NIPAL2: variants seen among roughly 807,000 people sequenced by gnomAD.
The protein encoded by NIPAL2 is NIPA-like protein 2.
Under a neutral mutation model 48.9 loss-of-function variants are expected in NIPAL2, and 43 were observed. The observed-to-expected ratio is 0.88, with a 90% CI of 0.69 to 1.13. NIPAL2 has a LOEUF of 1.13. NIPAL2 is among the 50% of genes most tolerant of loss of function. NIPAL2 has a pLI of 0.00. For synonymous variants in NIPAL2, 167 were observed against 174.6 expected, an observed-to-expected ratio of 0.96 and a Z score of 0.34; for missense variants, 446 against 461.4, an observed-to-expected ratio of 0.97 and a Z score of 0.31.
chr8:98,251,603 C>T (rs1813594429), intron 3 of NIPAL2: 1 of 152,130 alleles, frequency 6.6e-6, no homozygotes, highest in Non-Finnish European at 1.5e-5. Flanking sequence ...AGATAAATGA[C>T]TTACAAAATA....
chr8:98,210,165 A>G (rs1258765092), intron 6 of NIPAL2, among the ~76,000 whole-genome samples: 1 of 151,692 alleles, frequency 6.6e-6, no homozygotes, highest in Admixed American at 6.6e-5. Flanking sequence ...ATTTTAATTA[A>G]TTCTTTCTGC....
At chr8:98,229,592 G>C (rs557190987) in intron 4 of NIPAL2, among the ~76,000 whole-genome samples, 181 of 152,158 alleles carry the variant, frequency 1.2e-3, no homozygotes, top group Non-Finnish European at 1.4e-3. Context: ...TGTCCAGGCT[G>C]GTCTCGAACT....
intron 1 of NIPAL2, among the ~76,000 whole-genome samples, chr8:98,280,792 A>AGAGAGAGAG (rs1815783724): frequency 3.6e-5 from 5 of 139,480 alleles, no homozygotes; most frequent in South Asian, 2.3e-4. Flanking sequence ...AGAGAGAGAG[A>AGAGAGAGAG]AAGCGAGAGA....
At chr8:98,241,457 G>A (rs1472638761) in intron 3 of NIPAL2, among the ~76,000 whole-genome samples, 1 of 152,124 alleles carries the variant, frequency 6.6e-6, no homozygotes, top group Non-Finnish European at 1.5e-5. Context: ...ACTTTCTGAT[G>A]AGTGATTTTA....
In NIPAL2 at chr8:98,209,511, A is replaced by G. The variant is rs990326827; in HGVS notation, c.655+2894T>C. ...CACGCATCTGTAGTCCCAGCTACTCAGGAGGCTGAGGTAGGAGGATCACTT... is the reference window on the plus strand; with the variant it reads ...CACGCATCTGTAGTCCCAGCTACTCGGGAGGCTGAGGTAGGAGGATCACTT... On this transcript the variant is annotated intron_variant, in intron 6 of 10. Transcript: ENST00000430223. Among the ~76,000 whole-genome samples, 3 of 151,052 alleles carry G rather than the reference A, an allele frequency of 2.0e-5. No homozygotes were observed. In the South Asian group the frequency reaches 6.3e-4, roughly 32 times the overall value.
intron 5 of NIPAL2, among the ~76,000 whole-genome samples, chr8:98,214,462 C>A (rs984833990): frequency 6.6e-6 from 1 of 152,160 alleles, no homozygotes; most frequent in Admixed American, 6.5e-5. Context: ...CCGCACCCGG[C>A]CCAGGCTATT....
intron 10 of NIPAL2, among the ~76,000 whole-genome samples, chr8:98,193,701 G>A (rs919852402): frequency 1.3e-5 from 2 of 151,576 alleles, no homozygotes; most frequent in Non-Finnish European, 2.9e-5. Context: ...TACTCGGGAG[G>A]CTGAGACACG....
At chr8:98,225,572 C>T (rs1039371173) in intron 4 of NIPAL2, among the ~76,000 whole-genome samples, 2 of 152,120 alleles carry the variant, frequency 1.3e-5, no homozygotes, top group Admixed American at 6.6e-5. Context: ...CCAGATGTAT[C>T]GGAGCTCTTT....
chr8:98,194,861 A>G, intron 9 of NIPAL2, 39 bp from the exon 10 acceptor site: 1 of 1,195,310 alleles, frequency 8.4e-7, no homozygotes, highest in Non-Finnish European at 1.2e-6. Flanking sequence ...AAGAACACTG[A>G]AACAGACTCA....
At chr8:98,261,691 T>C (rs1425564658) in intron 1 of NIPAL2, among the ~76,000 whole-genome samples, 1 of 143,310 alleles carries the variant, frequency 7.0e-6, no homozygotes, top group Non-Finnish European at 1.5e-5. Context: ...GGAACCAAGT[T>C]GGAAAACACT....
rs28495420 is a variant in NIPAL2, at chr8:98,191,373, T to G, written c.*1605A>C. 1 of 152,198 alleles carries G rather than the reference T, an allele frequency of 6.6e-6. No individual in the cohort carries two copies. Among genetic ancestry groups the G allele is most frequent in the African/African-American group, 2.4e-5 (1 of 41,446 alleles). The allele number at this position is 152,198 out of a possible 1,614,324, so 9.4% of individuals were successfully genotyped here. ...ATTATGACTGCTTTATCTGAATGCA[T>G]GGGACACTTGCTACGATGGCGGGAA... On this transcript the variant is annotated 3_prime_UTR_variant, in exon 11 of 11. Transcript: ENST00000430223.
At chr8:98,212,353 T>TA (rs1811358021) in intron 6 of NIPAL2, 52 bp downstream of exon 6, 1 of 973,402 alleles carries the variant, frequency 1.0e-6, no homozygotes, top group South Asian at 1.4e-5. Context: ...AAACCTCATT[T>TA]ATGACTCAGC....
chr8:98,251,138 G>A (rs1435184490), intron 3 of NIPAL2, among the ~76,000 whole-genome samples: 1 of 151,494 alleles, frequency 6.6e-6, no homozygotes. Context: ...GCCTTCCCCA[G>A]TTATCTATCT....
At chr8:98,246,368 AG>A (rs1813307632) in intron 3 of NIPAL2, among the ~76,000 whole-genome samples, 1 of 152,180 alleles carries the variant, frequency 6.6e-6, no homozygotes, top group Admixed American at 6.5e-5. Flanking sequence ...GAGATGGAAA[AG>A]ACTTATCAGA....
intron 1 of NIPAL2, among the ~76,000 whole-genome samples, chr8:98,266,498 A>G (rs947012497): frequency 4.0e-5 from 6 of 149,764 alleles, no homozygotes; most frequent in Non-Finnish European, 7.4e-5. Flanking sequence ...GCTACTCGGG[A>G]GCCGAGATCA....
chr8:98,230,252 T>A (rs1035835277), intron 4 of NIPAL2, among the ~76,000 whole-genome samples: 2 of 152,096 alleles, frequency 1.3e-5, no homozygotes, highest in African/African-American at 2.4e-5. Context: ...AGCATCCTCA[T>A]TGGGGATTAA....
chr8:98,261,091 C>G (rs1489309787), intron 1 of NIPAL2, among the ~76,000 whole-genome samples: 12 of 151,472 alleles, frequency 7.9e-5, no homozygotes, highest in Non-Finnish European at 1.5e-4. Flanking sequence ...GGAAAACTAA[C>G]AAACAGAAAG....
At chr8:98,293,534 C>T (rs1397415444) in intron 1 of NIPAL2, among the ~76,000 whole-genome samples, 5 of 152,224 alleles carry the variant, frequency 3.3e-5, no homozygotes, top group African/African-American at 1.2e-4. Context: ...ACACGCAGGG[C>T]ATCTGCGCGA....
chr8:98,270,648 G>C (rs779611659), intron 1 of NIPAL2, among the ~76,000 whole-genome samples: 1 of 151,926 alleles, frequency 6.6e-6, no homozygotes, highest in Non-Finnish European at 1.5e-5. Context: ...TCTTTCTATA[G>C]GTTTTTTATT....
Sources: gnomAD v4.1 joint callset for allele counts (sites outside exome capture counted in the v4.1 genomes callset) on GRCh38, gnomAD v4.1.1 for gene constraint, MANE v1.5 for transcripts, NCBI Gene and HGNC (gene_info 2026-07-23, HGNC 2026-07-21) for gene names.